The following RAPGEF4 variants were observed in gnomAD, a reference collection of about 807,000 sequenced individuals.
RAPGEF4 encodes the protein RAP guanine-nucleotide-exchange factor (GEF) 4.
In RAPGEF4, 66 loss-of-function variants were observed where a neutral mutation model predicts 147.9. That is an observed-to-expected ratio of 0.45 (90% CI 0.37 to 0.55). The LOEUF (loss-of-function observed/expected upper bound fraction) is 0.55. Ranked by LOEUF, RAPGEF4 falls within the 20% of genes least tolerant of loss-of-function variation. The pLI, the probability that RAPGEF4 is intolerant of heterozygous loss-of-function variation, is 0.00. For missense variants in RAPGEF4, 1,071 were observed against 1,257.3 expected (o/e 0.85, Z 2.24); for synonymous variants, 419 against 442.7 (o/e 0.95, Z 0.67).
chr2:172,932,108 G>T (rs1005603819), intron 6 of RAPGEF4, among the ~76,000 whole-genome samples: 2 of 151,840 alleles, frequency 1.3e-5, no homozygotes, highest in African/African-American at 4.8e-5. Context: ...GGTCATTCCG[G>T]TGTTCATGCA....
chr2:172,838,872 T>C (rs961459079), intron 4 of RAPGEF4, among the ~76,000 whole-genome samples: 2 of 152,132 alleles, frequency 1.3e-5, no homozygotes, highest in African/African-American at 4.8e-5. Context: ...ACCTATTTAT[T>C]TGAACCATAT....
chr2:172,809,147 G>A (rs905966842), intron 3 of RAPGEF4, among the ~76,000 whole-genome samples: 8 of 152,190 alleles, frequency 5.3e-5, no homozygotes, highest in Non-Finnish European at 1.0e-4. Context: ...GGCAGCACTG[G>A]GCAGGAGGGG....
intron 4 of RAPGEF4, among the ~76,000 whole-genome samples, chr2:172,857,448 G>A (rs1323087197): frequency 6.6e-6 from 1 of 152,080 alleles, no homozygotes; most frequent in Non-Finnish European, 1.5e-5. Context: ...TATGTCTTTC[G>A]GTGTATACAT....
intron 3 of RAPGEF4, among the ~76,000 whole-genome samples, chr2:172,807,797 C>T (rs1687651187): frequency 2.0e-5 from 3 of 152,186 alleles, no homozygotes; most frequent in African/African-American, 7.2e-5. Context: ...TCTGTCTCCA[C>T]ACATTTAAAG....
chr2:172,785,500 T>C (rs888383372), intron 1 of RAPGEF4, among the ~76,000 whole-genome samples: 9 of 152,318 alleles, frequency 5.9e-5, no homozygotes, highest in African/African-American at 2.2e-4. Context: ...AGTTCTTCAC[T>C]GGAGGAGATG....
chr2:172,855,676 T>C (rs1693332278), intron 4 of RAPGEF4, among the ~76,000 whole-genome samples: 1 of 152,190 alleles, frequency 6.6e-6, no homozygotes, highest in Admixed American at 6.5e-5. Flanking sequence ...TGGCCTCCAA[T>C]GTTGAAGAAT....
At chr2:172,916,355 AGG>A in intron 4 of RAPGEF4, among the ~76,000 whole-genome samples, 1 of 152,350 alleles carries the variant, frequency 6.6e-6, no homozygotes, top group East Asian at 1.9e-4. Flanking sequence ...AATGGTAATC[AGG>A]AGTCACAAAA....
intron 4 of RAPGEF4, among the ~76,000 whole-genome samples, chr2:172,875,333 C>T (rs1695777196): frequency 6.6e-6 from 1 of 152,082 alleles, no homozygotes; most frequent in South Asian, 2.1e-4. Flanking sequence ...ATGCCTATGT[C>T]CTGAATGGTA....
At chr2:172,739,614 G>A (rs1407447185) in intron 1 of RAPGEF4, among the ~76,000 whole-genome samples, 8 of 152,088 alleles carry the variant, frequency 5.3e-5, no homozygotes, top group Admixed American at 2.0e-4. Context: ...CAGCTGATCC[G>A]CTCGCCTTGG....
At chr2:172,793,900 C>A (rs947253634) in intron 1 of RAPGEF4, among the ~76,000 whole-genome samples, 1 of 152,064 alleles carries the variant, frequency 6.6e-6, no homozygotes, top group African/African-American at 2.4e-5. Context: ...CTTTGGGAGG[C>A]TGAGGCGGGA....
At position 172,739,224 on chromosome 2, in the gene RAPGEF4, C is replaced by T. The variant is rs1463088078; in HGVS notation, c.65+3176C>T. On this transcript the variant is annotated intron_variant, in intron 1 of 30. Transcript: ENST00000397081. The stretch of plus-strand genomic sequence containing the variant: ...GTATTGTTAGAGTAAAACAAGCTCA[C>T]CACTATCTCAGGGATCTTACCATTT... Among the ~76,000 whole-genome samples, 3 of 152,026 alleles carry T rather than the reference C, an allele frequency of 2.0e-5. No individual in the cohort carries two copies. The East Asian group carries it at 5.8e-4, about 29-fold the overall frequency.
intron 22 of RAPGEF4, 60 bp downstream of exon 22, chr2:173,018,862 A>G (rs1307607529): frequency 1.3e-6 from 2 of 1,576,610 alleles, no homozygotes; most frequent in African/African-American, 2.7e-5. Context: ...CCAAGCAGAA[A>G]CTATGTAAGG....
At chr2:172,936,280 T>G (rs1001593311) in intron 6 of RAPGEF4, among the ~76,000 whole-genome samples, 3 of 152,090 alleles carry the variant, frequency 2.0e-5, no homozygotes, top group Non-Finnish European at 2.9e-5. Context: ...GGCAGAAGAA[T>G]CACTTGAACC....
rs749837310 is a variant in RAPGEF4 at position 173,016,358 on chromosome 2, G to T, written c.1819G>T (p.Val607Leu). ...CTTTTGCCAATTACAGGAGTTTTAT[G>T]TATCTGTATCAGATGATGCCCGGAT... is the stretch of plus-strand genomic sequence containing the variant. ...VSMAFLEEFY[V>L]SVSDDARMIA... is the part of the protein sequence containing the mutation. Residue 607 changes from valine (V) to leucine (L), a missense_variant, in exon 19 of 31, where the codon GTA (valine) becomes TTA (leucine). By Grantham distance (32) the Val-to-Leu change is conservative (BLOSUM62 1). Coordinates refer to ENST00000397081, the MANE Select transcript of RAPGEF4 (RefSeq NM_007023.4). The T allele has an allele frequency of 5.0e-5, 81 of 1,612,420 alleles. No homozygotes were observed. Among genetic ancestry groups the T allele is most frequent in the Non-Finnish European group, 6.6e-5 (78 of 1,178,610 alleles).
At chr2:172,944,504 C>T (rs1486389198) in intron 6 of RAPGEF4, among the ~76,000 whole-genome samples, 1 of 152,170 alleles carries the variant, frequency 6.6e-6, no homozygotes, top group Non-Finnish European at 1.5e-5. Context: ...GACTGACTAC[C>T]TTCCCACACT....
At chr2:173,036,027 G>C in intron 27 of RAPGEF4, 98 bp from the exon 28 acceptor site, 1 of 889,726 alleles carries the variant, frequency 1.1e-6, no homozygotes, top group Non-Finnish European at 1.9e-6. Flanking sequence ...AAGGTCAACT[G>C]TACCTGATTG....
rs1696426798 is a variant in RAPGEF4, at chr2:172,762,334, GAT to G, written c.65+26290_65+26291del. On this transcript the variant is annotated intron_variant, in intron 1 of 30. Coordinates refer to ENST00000397081, the MANE Select transcript of RAPGEF4 (RefSeq NM_007023.4). ...CCCCACATGCAAGATCTCTTCCTGA[GAT>G]ATAGACTGCCCCACCCTGGCCTCCA... Among the ~76,000 whole-genome samples, 3 of 152,108 alleles carry G rather than the reference GAT, an allele frequency of 2.0e-5. No homozygotes were observed. In the South Asian group the frequency reaches 6.2e-4, roughly 32 times the overall value.
At chr2:172,993,799 A>G (rs1051925161) in intron 15 of RAPGEF4, among the ~76,000 whole-genome samples, 1 of 152,196 alleles carries the variant, frequency 6.6e-6, no homozygotes, top group African/African-American at 2.4e-5. Flanking sequence ...GTTAGCACCT[A>G]ATAGCCTTCT....
chr2:172,993,015 T>C (rs1361072621), intron 15 of RAPGEF4, among the ~76,000 whole-genome samples: 1 of 152,168 alleles, frequency 6.6e-6, no homozygotes, highest in East Asian at 1.9e-4. Context: ...TAGGAAGCTG[T>C]AGGGCCTCTC....
Sources: gnomAD v4.1 joint callset for allele counts (sites outside exome capture counted in the v4.1 genomes callset) on GRCh38, gnomAD v4.1.1 for gene constraint, MANE v1.5 for transcripts, NCBI Gene and HGNC (gene_info 2026-07-23, HGNC 2026-07-21) for gene names.